The following NEDD9 variants were observed in gnomAD, a reference collection of about 807,000 sequenced individuals.
The protein encoded by NEDD9 is enhancer of filamentation 1.
Under a neutral mutation model 76.6 loss-of-function variants are expected in NEDD9, and 26 were observed. The ratio of observed to expected loss-of-function variants is 0.34; its 90% CI spans 0.25 to 0.47. The LOEUF (loss-of-function observed/expected upper bound fraction) is 0.47, where lower values mean the gene tolerates loss of function less well. Among genes scored for constraint, NEDD9 ranks in the 20% least tolerant of loss-of-function variants. NEDD9 has a pLI of 1.00. For missense variants in NEDD9, 937 were observed against 1,058.5 expected, an observed-to-expected ratio of 0.89 and a Z score of 1.59; for synonymous variants, 392 against 414.2, an observed-to-expected ratio of 0.95 and a Z score of 0.65.
At position 11,294,031 on chromosome 6, in the gene NEDD9, A is replaced by ATG. The variant is rs1183913264; in HGVS notation, c.12+11959_12+11960dup. On this transcript the variant is annotated intron_variant, in intron 3 of 3. Transcript: ENST00000397378. ...AGTGTGTGTGTGTGTGTATGTGTGTATGTGTGTGTGTGTATCACATTTTCT... is the reference window on the plus strand; with the variant it reads ...AGTGTGTGTGTGTGTGTATGTGTGTATGTGTGTGTGTGTGTATCACATTTTCT... 2.9e-4 allele frequency among the ~76,000 whole-genome samples: 43 copies of ATG among 150,694 alleles called. No individual in the cohort carries two copies. The East Asian group carries it at 8.4e-3, about 30-fold the overall frequency.
At chr6:11,295,379 T>A (rs4713353) in intron 3 of NEDD9, among the ~76,000 whole-genome samples, 68,947 of 152,032 alleles carry the variant, frequency 0.45, 16,152 homozygotes, top group East Asian at 0.76. Flanking sequence ...GGGTGCGAGA[T>A]ATTTCTTAAG....
chr6:11,344,553 G>A (rs1762330598), intron 1 of NEDD9, among the ~76,000 whole-genome samples: 1 of 152,234 alleles, frequency 6.6e-6, no homozygotes, highest in Non-Finnish European at 1.5e-5. Flanking sequence ...TCATGTGGAT[G>A]ACTCTGCAGT....
rs1326658770 is a variant in NEDD9 at position 11,213,542 on chromosome 6, G to T, written c.198C>A (p.Pro66=). The change falls in exon 2 of 7, where the codon CCC becomes CCA. Residue 66 remains proline, a synonymous_variant. Transcript: ENST00000379446. This position sits in a 1 kb window ranked among gnomAD's most constrained non-coding sequence, Gnocchi z 5.4. The part of the protein sequence containing the change: ...PGNRVKLLIG[P]MQETASSHEQ... ...CGTGACTGGAGGCAGTCTCCTGCAT[G>T]GGACCAATCAGAAGCTTCACCCGGT... is the stretch of plus-strand genomic sequence containing the variant. 1 of 1,614,146 alleles carries T rather than the reference G, an allele frequency of 6.2e-7. No homozygotes were observed. Among genetic ancestry groups the T allele is most frequent in the African/African-American group, 1.3e-5 (1 of 75,026 alleles).
chr6:11,186,089 A>T (rs1021491051), intron 6 of NEDD9, among the ~76,000 whole-genome samples: 4 of 152,168 alleles, frequency 2.6e-5, no homozygotes, highest in Non-Finnish European at 4.4e-5. Context: ...CTCCTTGTCA[A>T]GTAAGTCACT....
rs754999714 is a variant in NEDD9 at position 11,213,287 on chromosome 6, A to G, written c.453T>C (p.Gly151=). The change falls in exon 2 of 7, where the codon GGT becomes GGC. Residue 151 remains glycine (G), a synonymous_variant. Transcript: ENST00000379446. This position sits in a 1 kb window ranked among gnomAD's most constrained non-coding sequence, Gnocchi z 5.4. ...SIGGTSGPHV[G]KKVITPVRTG... is the part of the protein sequence containing the mutation. ...TAGTTAGTCATTTACTCACCTTTTT[A>G]CCCACGTGGGGCCCACTGGTTCCCC... The G allele has an allele frequency of 6.3e-7, 1 of 1,595,734 alleles. No individual in the cohort carries two copies. Among genetic ancestry groups the G allele is most frequent in the Non-Finnish European group, 8.6e-7 (1 of 1,168,152 alleles).
chr6:11,299,257 G>A (rs778201376), intron 3 of NEDD9, among the ~76,000 whole-genome samples: 4 of 152,158 alleles, frequency 2.6e-5, no homozygotes, highest in African/African-American at 7.2e-5. Context: ...GTCTGAGATC[G>A]ACCTGCAACG....
intron 2 of NEDD9, among the ~76,000 whole-genome samples, chr6:11,330,225 T>TC (rs1436576428): frequency 6.6e-6 from 1 of 152,234 alleles, no homozygotes; most frequent in Non-Finnish European, 1.5e-5. Flanking sequence ...AGATGTCCTT[T>TC]CCACTGGTTT....
chr6:11,378,760 T>G (rs1374578836), intron 1 of NEDD9, among the ~76,000 whole-genome samples: 3 of 152,332 alleles, frequency 2.0e-5, no homozygotes, highest in East Asian at 3.9e-4. Flanking sequence ...AAATTTATCA[T>G]TCATTGACCT....
chr6:11,277,673 T>G (rs1018374), intron 3 of NEDD9, among the ~76,000 whole-genome samples: 1 of 152,116 alleles, frequency 6.6e-6, no homozygotes, highest in Non-Finnish European at 1.5e-5. Context: ...CCCATAGCAG[T>G]GTTGAACCAT....
chr6:11,358,227 CG>C (rs1279917374), intron 1 of NEDD9, among the ~76,000 whole-genome samples: 1 of 126,322 alleles, frequency 7.9e-6, no homozygotes, highest in Non-Finnish European at 1.6e-5. Flanking sequence ...CCCAGCCTGG[CG>C]ACAGAGCAAG....
intron 1 of NEDD9, among the ~76,000 whole-genome samples, chr6:11,337,571 A>G (rs1762188980): frequency 6.6e-6 from 1 of 152,180 alleles, no homozygotes; most frequent in South Asian, 2.1e-4. Flanking sequence ...GGTCCTATAT[A>G]CGGTCTGTTG....
chr6:11,257,810 T>TGTGTGTGTGTGCGC (rs1340885962), intron 3 of NEDD9, among the ~76,000 whole-genome samples: 16 of 151,412 alleles, frequency 1.1e-4, no homozygotes, highest in African/African-American at 3.9e-4. Context: ...TGTGTGTGTG[T>TGTGTGTGTGTGCGC]GCAGTACGGC....
At chr6:11,215,849 G>A (rs1324196368) in intron 1 of NEDD9, among the ~76,000 whole-genome samples, 1 of 152,146 alleles carries the variant, frequency 6.6e-6, no homozygotes, top group Non-Finnish European at 1.5e-5. Context: ...AAGGCAAAGG[G>A]CTACAGATCT....
chr6:11,263,555 A>G (rs953208269), intron 3 of NEDD9, among the ~76,000 whole-genome samples: 2 of 152,220 alleles, frequency 1.3e-5, no homozygotes, highest in Non-Finnish European at 2.9e-5. Context: ...AGCACATGGC[A>G]GAGAGAAACG....
At chr6:11,264,474 G>A (rs1480111101) in intron 3 of NEDD9, among the ~76,000 whole-genome samples, 1 of 152,174 alleles carries the variant, frequency 6.6e-6, no homozygotes, top group Non-Finnish European at 1.5e-5. Flanking sequence ...TGTTCCTTGA[G>A]TAAGAAAGCA....
At chr6:11,341,859 T>C (rs1170843462) in intron 1 of NEDD9, among the ~76,000 whole-genome samples, 1 of 152,208 alleles carries the variant, frequency 6.6e-6, no homozygotes, top group Non-Finnish European at 1.5e-5. Context: ...TATTCTAAGA[T>C]GGACCAAATG....
chr6:11,323,230 T>G (rs1761850497), intron 2 of NEDD9, among the ~76,000 whole-genome samples: 1 of 152,246 alleles, frequency 6.6e-6, no homozygotes, highest in Non-Finnish European at 1.5e-5. Flanking sequence ...TCTCTTTGGA[T>G]GAACACAGAG....
At chr6:11,312,663 A>T (rs992990565) in intron 2 of NEDD9, among the ~76,000 whole-genome samples, 23 of 141,560 alleles carry the variant, frequency 1.6e-4, no homozygotes, top group Non-Finnish European at 3.0e-5. Context: ...TAAGTTTGAT[A>T]ATGGTATTAT....
intron 2 of NEDD9, among the ~76,000 whole-genome samples, chr6:11,327,652 G>A (rs1052472484): frequency 6.6e-6 from 1 of 152,210 alleles, no homozygotes; most frequent in African/African-American, 2.4e-5. Context: ...AGAGAAAGAC[G>A]ATGGAAAGTG....
Sources: gnomAD v4.1 joint callset for allele counts (sites outside exome capture counted in the v4.1 genomes callset) on GRCh38, gnomAD v4.1.1 for gene constraint, Gnocchi (gnomAD v3.1) non-coding constraint, MANE v1.5 for transcripts, NCBI Gene and HGNC (gene_info 2026-07-23, HGNC 2026-07-21) for gene names.